The following NBPF20 variants were observed in gnomAD, a reference collection of about 807,000 sequenced individuals.
NBPF20 encodes NBPF family member NBPF20.
NBPF20 carries 90 observed loss-of-function variants against 68.1 expected under a neutral mutation model. The ratio of observed to expected loss-of-function variants is 1.32; its 90% CI spans 1.11 to 1.58. The LOEUF is 1.58. Ranked by LOEUF, NBPF20 falls within the 40% of genes most tolerant of loss-of-function variation. NBPF20 has a pLI of 0.00. For missense variants in NBPF20, 816 were observed against 601.2 expected (o/e 1.36, Z -3.74); for synonymous variants, 290 against 228.1 (o/e 1.27, Z -2.45).
chr1:145,424,293 T>C, the NBPF20 span, among the ~76,000 whole-genome samples: 5 of 151,454 alleles, frequency 3.3e-5, no homozygotes, highest in East Asian at 3.9e-4. Flanking sequence ...ACATTTAAAA[T>C]TGTGAACCTC....
intron 7 of NBPF20, among the ~76,000 whole-genome samples, chr1:145,397,700 T>C (rs1362164238): frequency 2.6e-5 from 4 of 152,264 alleles, no homozygotes; most frequent in East Asian, 3.9e-4. Flanking sequence ...AACCAGCTAA[T>C]ATCATAACGA....
chr1:145,334,792 G>A (rs1370610011), intron 83 of NBPF20, among the ~76,000 whole-genome samples, 161 bp from the exon 89 acceptor site: 1 of 131,762 alleles, frequency 7.6e-6, no homozygotes, highest in African/African-American at 2.6e-5. Flanking sequence ...ATAGACCAGG[G>A]CCAGGTAGAA....
chr1:145,392,795 G>A (rs1661973143), intron 10 of NBPF20, among the ~76,000 whole-genome samples: 1 of 93,824 alleles, frequency 1.1e-5, no homozygotes, highest in Admixed American at 1.1e-4. Flanking sequence ...CAAAATCAGA[G>A]TTGTGTGAAT....
At chr1:145,395,674 G>A (rs1174248548) in intron 7 of NBPF20, among the ~76,000 whole-genome samples, 1 of 148,712 alleles carries the variant, frequency 6.7e-6, no homozygotes, top group African/African-American at 2.6e-5. Context: ...TAAACACATC[G>A]GAGAGAATAG....
rs1332777837 is a variant in NBPF20, at chr1:145,397,609, G to A, written c.827+1440C>T. On this transcript the variant is annotated intron_variant, in intron 7 of 137. Coordinates refer to ENST00000369373, the Ensembl canonical transcript of NBPF20. ...GCAGTAAACATGGAAAGGAACAACC[G>A]GTACCAGCCACTACAAAAACATGCC... Among the ~76,000 whole-genome samples the A allele has an allele frequency of 7.9e-5, 12 of 152,196 alleles. No homozygotes were observed. In the South Asian group the frequency reaches 1.0e-3, roughly 13 times the overall value.
At chr1:145,400,265 A>G (rs1662456619) in intron 6 of NBPF20, 124 bp downstream of exon 11, 5 of 1,586,674 alleles carry the variant, frequency 3.2e-6, no homozygotes, top group Admixed American at 1.7e-5. Flanking sequence ...AAAGTCCCTG[A>G]TATCTGTTTA....
chr1:145,408,110 T>C (rs181660564), upstream of NBPF20: 62 of 211,592 alleles, frequency 2.9e-4, no homozygotes, highest in African/African-American at 1.1e-3. Context: ...AAGGTATCCA[T>C]GGCAATTTCA....
chr1:145,396,594 G>A (rs1662253458), intron 7 of NBPF20, among the ~76,000 whole-genome samples: 1 of 151,754 alleles, frequency 6.6e-6, no homozygotes, highest in African/African-American at 2.4e-5. Flanking sequence ...GCTAAGGGCA[G>A]CCAGAGAGAA....
At chr1:145,406,085 A>ATTTTTTT (rs587699811), upstream of NBPF20, among the ~76,000 whole-genome samples, 7 of 117,644 alleles carry the variant, frequency 6.0e-5, no homozygotes, top group African/African-American at 2.1e-4. Context: ...CGCCCGGCTA[A>ATTTTTTT]TTTTTTTTTT....
the NBPF20 span, among the ~76,000 whole-genome samples, chr1:145,413,390 ATAGGAAAAACTGG>A: frequency 2.0e-5 from 3 of 151,236 alleles, no homozygotes; most frequent in Admixed American, 6.6e-5. Flanking sequence ...TTTATTCATA[ATAGGAAAAACTGG>A]AAACATTCAA....
chr1:145,393,347 A>C (rs1339144741), intron 9 of NBPF20, 101 bp from the exon 15 acceptor site: 2 of 701,902 alleles, frequency 2.8e-6, no homozygotes, highest in Non-Finnish European at 5.3e-6. Flanking sequence ...TTTGAAAAGA[A>C]AAAGGACAGA....
At chr1:145,419,093 AAGGAAGGG>A in the NBPF20 span, among the ~76,000 whole-genome samples, 153 of 129,156 alleles carry the variant, frequency 1.2e-3, no homozygotes, top group African/African-American at 4.9e-3. Flanking sequence ...GGAAGGAAGG[AAGGAAGGG>A]AGGGAGGGAG....
At chr1:145,408,623 T>C (rs1290816430), upstream of NBPF20, among the ~76,000 whole-genome samples, 1 of 151,718 alleles carries the variant, frequency 6.6e-6, no homozygotes, top group African/African-American at 2.4e-5. Flanking sequence ...TTCAAATACA[T>C]TTTGAAACTA....
At chr1:145,407,099 A>AT (rs1662821377), upstream of NBPF20, among the ~76,000 whole-genome samples, 1 of 139,210 alleles carries the variant, frequency 7.2e-6, no homozygotes, top group Non-Finnish European at 1.5e-5. Flanking sequence ...AACAAATATT[A>AT]TTTCACTCAA....
the NBPF20 span, among the ~76,000 whole-genome samples, chr1:145,411,679 G>A: frequency 2.1e-5 from 2 of 96,744 alleles, no homozygotes; most frequent in African/African-American, 8.7e-5. Flanking sequence ...TGTGAGCCAC[G>A]GTGCCCAGTC....
At chr1:145,413,286 C>A in the NBPF20 span, among the ~76,000 whole-genome samples, 1 of 149,900 alleles carries the variant, frequency 6.7e-6, no homozygotes, top group Non-Finnish European at 1.5e-5. Context: ...TAAACAACTA[C>A]CTATTCTATG....
chr1:145,393,539 A>G (rs61810770), intron 9 of NBPF20, among the ~76,000 whole-genome samples: 2 of 151,918 alleles, frequency 1.3e-5, no homozygotes, highest in Non-Finnish European at 2.9e-5. Flanking sequence ...GAGGGAGTCA[A>G]AGGACACTCT....
intron 9 of NBPF20, among the ~76,000 whole-genome samples, chr1:145,393,458 A>AAC (rs370259133): frequency 0.11 from 15,869 of 144,968 alleles, 1,021 homozygotes; most frequent in African/African-American, 0.2. Flanking sequence ...CACACACACA[A>AAC]ACACACACAC....
In NBPF20 at chr1:145,405,084, C is replaced by G. The variant is rs1662709348; in HGVS notation, c.175+14G>C. ...CATTCATCACTTTCATGATGGTGAG[C>G]CTATAGATCTTACTGTATTTCTTCT... On this transcript the variant is annotated intron_variant, in intron 2 of 137. Transcript: ENST00000369373. 1.9e-6 allele frequency: 3 copies of G among 1,613,152 alleles called. No homozygotes were observed. Among genetic ancestry groups the G allele is most frequent in the African/African-American group, 1.3e-5 (1 of 74,942 alleles).
Sources: allele counts gnomAD v4.1 joint callset (sites outside exome capture counted in the v4.1 genomes callset), GRCh38; gene constraint gnomAD v4.1.1; transcripts MANE v1.5; gene names NCBI Gene and HGNC (gene_info 2026-07-23, HGNC 2026-07-21).